ANKS1B: variants seen among roughly 807,000 people sequenced by gnomAD.
The protein encoded by ANKS1B is ankyrin repeat and sterile alpha motif domain containing 1B.
A neutral mutation model predicts 148.3 loss-of-function variants in ANKS1B; 36 were observed. That is an observed-to-expected ratio of 0.24 (90% CI 0.19 to 0.32). The LOEUF (loss-of-function observed/expected upper bound fraction) is 0.32, where lower values mean the gene tolerates loss of function less well. ANKS1B is among the 10% of genes least tolerant of loss of function. The probability of loss-of-function intolerance (pLI) is 1.00; values close to 1 mark genes in which losing one functional copy is unlikely to be tolerated. For synonymous variants in ANKS1B, 542 were observed against 560.8 expected, an observed-to-expected ratio of 0.97 and a Z score of 0.47; for missense variants, 1,157 against 1,542.6, an observed-to-expected ratio of 0.75 and a Z score of 4.19.
intron 1 of ANKS1B, among the ~76,000 whole-genome samples, chr12:99,883,605 T>A (rs189383519): frequency 7.6e-6 from 1 of 132,130 alleles, no homozygotes; most frequent in South Asian, 2.5e-4. Context: ...AGACAAGGCA[T>A]AGACTTGGGG....
chr12:98,895,394 C>G (rs868164750), intron 17 of ANKS1B: 1 of 848,396 alleles, frequency 1.2e-6, no homozygotes, highest in Non-Finnish European at 1.4e-6. Context: ...GGCTCGGCAG[C>G]GGCAGAGCAG....
At chr12:98,894,799 AG>A (rs2099760626) in intron 17 of ANKS1B, 7 of 984,242 alleles carry the variant, frequency 7.1e-6, no homozygotes, top group Non-Finnish European at 7.2e-6. Flanking sequence ...GAGCGCGCCG[AG>A]GAAGGGCGGG....
At chr12:99,318,078 T>G (rs2084494590) in intron 12 of ANKS1B, among the ~76,000 whole-genome samples, 1 of 152,238 alleles carries the variant, frequency 6.6e-6, no homozygotes, top group African/African-American at 2.4e-5. Context: ...AGTATTTTAT[T>G]GAGGATTTTT....
intron 17 of ANKS1B, among the ~76,000 whole-genome samples, chr12:98,944,165 G>A (rs2099841420): frequency 6.6e-6 from 1 of 151,874 alleles, no homozygotes; most frequent in South Asian, 2.1e-4. Context: ...CTGGGTGTGG[G>A]GGCACGTGCC....
At chr12:99,101,737 T>G (rs1041452195) in intron 15 of ANKS1B, among the ~76,000 whole-genome samples, 2 of 152,176 alleles carry the variant, frequency 1.3e-5, no homozygotes, top group Non-Finnish European at 2.9e-5. Flanking sequence ...AATTTTTGTA[T>G]TTTTAGTAAA....
rs146754962 is a variant in ANKS1B, at chr12:99,696,769, T to A, written c.1129-41559A>T. On this transcript the variant is annotated intron_variant, in intron 8 of 26. Transcript: ENST00000683438. Reference sequence around the variant, plus strand: ...TTGAAAAATTCTGCTCTGTGAAAGATACTCTTAAGAGAATGAAAGGACAAG... The same window carrying A: ...TTGAAAAATTCTGCTCTGTGAAAGAAACTCTTAAGAGAATGAAAGGACAAG... Among the ~76,000 whole-genome samples, 20 of 152,290 alleles carry A rather than the reference T, an allele frequency of 1.3e-4. No individual in the cohort carries two copies. In the South Asian group the frequency reaches 3.9e-3, roughly 30 times the overall value.
At chr12:99,346,381 GCACACACA>G (rs1555396083) in intron 12 of ANKS1B, among the ~76,000 whole-genome samples, 2 of 147,770 alleles carry the variant, frequency 1.4e-5, no homozygotes, top group Non-Finnish European at 3.0e-5. Flanking sequence ...TCTCACACAC[GCACACACA>G]CACACACACT....
Position 99,812,373 on chromosome 12 carries a change from T to C in ANKS1B, c.216-62A>G, listed in dbSNP as rs1484637405. The C allele has an allele frequency of 8.7e-6, 13 of 1,500,000 alleles. No individual in the cohort carries two copies. The Admixed American group carries it at 2.3e-4, about 27-fold the overall frequency. 92.9% of individuals were successfully genotyped at this position (1,500,000 alleles called of 1,614,324 possible). A position where few individuals can be genotyped will look rare whatever the true frequency, so the allele number is the denominator to read the frequency against. On this transcript the variant is annotated intron_variant, in intron 2 of 26. Coordinates refer to ENST00000683438, the MANE Select transcript of ANKS1B (RefSeq NM_001352186.2). ...AGCAAGACAAACTGTATTAAATAGG[T>C]AATTTTAAAAGAATACTAGATGCTG...
intron 9 of ANKS1B, among the ~76,000 whole-genome samples, chr12:99,632,916 C>T (rs1486199702): frequency 2.9e-5 from 2 of 69,312 alleles, no homozygotes; most frequent in Admixed American, 2.1e-4. Flanking sequence ...CCCCTCCCCC[C>T]ACCCCACCAC....
chr12:99,232,415 A>G (rs1387744024), intron 14 of ANKS1B, among the ~76,000 whole-genome samples: 1 of 152,240 alleles, frequency 6.6e-6, no homozygotes, highest in Non-Finnish European at 1.5e-5. Flanking sequence ...AAGATTATTA[A>G]AACTGGTTTA....
At chr12:99,959,227 A>ATTTTTTTTT (rs71088166) in intron 1 of ANKS1B, among the ~76,000 whole-genome samples, 177 of 99,850 alleles carry the variant, frequency 1.8e-3, no homozygotes, top group Non-Finnish European at 2.2e-3. Flanking sequence ...CACCCAGTTA[A>ATTTTTTTTT]TTTTTTTTTT....
intron 17 of ANKS1B, among the ~76,000 whole-genome samples, chr12:98,978,480 CTGTGTG>C (rs960163192): frequency 6.6e-6 from 1 of 151,798 alleles, no homozygotes; most frequent in Non-Finnish European, 1.5e-5. Context: ...TATGTGCAAA[CTGTGTG>C]TGTGTGCGTG....
chr12:98,797,016 G>A (rs985190298), intron 22 of ANKS1B, among the ~76,000 whole-genome samples: 1 of 152,134 alleles, frequency 6.6e-6, no homozygotes, highest in Non-Finnish European at 1.5e-5. Context: ...CTGGTCTCAG[G>A]TAATTTAGTT....
chr12:99,894,496 G>A (rs1194328920), intron 1 of ANKS1B, among the ~76,000 whole-genome samples: 2 of 138,220 alleles, frequency 1.4e-5, no homozygotes, highest in African/African-American at 2.8e-5. Context: ...GCAACAGAGC[G>A]GGACCCTGTC....
At chr12:99,625,127 C>A (rs2098098111) in intron 9 of ANKS1B, among the ~76,000 whole-genome samples, 1 of 152,046 alleles carries the variant, frequency 6.6e-6, no homozygotes, top group African/African-American at 2.4e-5. Flanking sequence ...AGTCATTATT[C>A]TAAGCAAATT....
intron 14 of ANKS1B, among the ~76,000 whole-genome samples, chr12:99,197,587 CAT>C (rs2081538810): frequency 6.6e-6 from 1 of 152,256 alleles, no homozygotes; most frequent in South Asian, 2.1e-4. Context: ...AATCTAATCA[CAT>C]GAGTCCTCAA....
At chr12:99,467,174 A>G (rs1301745907) in intron 10 of ANKS1B, among the ~76,000 whole-genome samples, 1 of 152,198 alleles carries the variant, frequency 6.6e-6, no homozygotes, top group Admixed American at 6.5e-5. Flanking sequence ...TATAAACAGA[A>G]CCAAAGACAA....
At chr12:99,884,740 T>C (rs1565924928) in intron 1 of ANKS1B, among the ~76,000 whole-genome samples, 1 of 152,108 alleles carries the variant, frequency 6.6e-6, no homozygotes, top group East Asian at 1.9e-4. Context: ...GGATTAGAGC[T>C]AGGGAAAAGG....
chr12:99,975,614 T>C (rs887735185), intron 1 of ANKS1B, among the ~76,000 whole-genome samples: 4 of 152,248 alleles, frequency 2.6e-5, no homozygotes, highest in African/African-American at 9.6e-5. Flanking sequence ...CACTTGTATG[T>C]CTTCTTTTGA....
Sources: allele counts gnomAD v4.1 joint callset (sites outside exome capture counted in the v4.1 genomes callset), GRCh38; gene constraint gnomAD v4.1.1; transcripts MANE v1.5; gene names NCBI Gene and HGNC (gene_info 2026-07-23, HGNC 2026-07-21).